ABCD2: variants seen among roughly 807,000 people sequenced by gnomAD.
The protein encoded by ABCD2 is ATP-binding cassette sub-family D member 2.
ABCD2 carries 36 observed loss-of-function variants against 70.9 expected under a neutral mutation model. The observed-to-expected ratio is 0.51, with a 90% confidence interval of 0.39 to 0.67. The LOEUF (loss-of-function observed/expected upper bound fraction) is 0.67, where lower values mean the gene tolerates loss of function less well. Among genes scored for constraint, ABCD2 ranks in the 30% least tolerant of loss-of-function variants. The pLI is 0.00. For missense variants in ABCD2, 729 were observed against 890.2 expected, an observed-to-expected ratio of 0.82 and a Z score of 2.30; for synonymous variants, 304 against 306.9, an observed-to-expected ratio of 0.99 and a Z score of 0.10.
In ABCD2 at chr12:39,604,802, A is replaced by G. The variant is rs1424941916; in HGVS notation, c.1365T>C (p.Ala455=). The G allele has an allele frequency of 7.4e-6, 12 of 1,610,844 alleles. No individual in the cohort carries two copies. Among genetic ancestry groups the G allele is most frequent in the Non-Finnish European group, 1.0e-5 (12 of 1,178,764 alleles). ...QESESHSKNG[A]KVELPLSDTL... ...TGTCACTGAGAGGTAATTCTACCTT[A>G]GCTCCATTCTTGCTATGGCTTTCAG... is the stretch of plus-strand genomic sequence containing the variant. Residue 455 remains alanine (A), a synonymous_variant, in exon 4 of 10, where the codon GCT becomes GCC. Transcript: ENST00000308666.
At chr12:39,567,874 T>A (rs575009640) in intron 9 of ABCD2, among the ~76,000 whole-genome samples, 1 of 152,180 alleles carries the variant, frequency 6.6e-6, no homozygotes, top group Non-Finnish European at 1.5e-5. Context: ...TGATTTCTCC[T>A]TCACTTATGA....
intron 6 of ABCD2, among the ~76,000 whole-genome samples, chr12:39,588,296 C>A (rs1004481227): frequency 6.6e-6 from 1 of 152,108 alleles, no homozygotes; most frequent in South Asian, 2.1e-4. Context: ...TCCAGACCCC[C>A]CCATATCTGT....
chr12:39,536,491 T>G, the ABCD2 span, among the ~76,000 whole-genome samples: 1 of 152,224 alleles, frequency 6.6e-6, no homozygotes, highest in South Asian at 2.1e-4. Context: ...TTCTTATATT[T>G]GGCAAAATTA....
chr12:39,608,359 CT>C (rs1941998941), intron 2 of ABCD2, among the ~76,000 whole-genome samples: 2 of 152,098 alleles, frequency 1.3e-5, no homozygotes, highest in African/African-American at 4.8e-5. Flanking sequence ...ACCCTTTCCA[CT>C]TGGACTCCCT....
intron 2 of ABCD2, among the ~76,000 whole-genome samples, chr12:39,611,888 C>A (rs1942049384): frequency 6.6e-6 from 1 of 151,848 alleles, no homozygotes; most frequent in African/African-American, 2.4e-5. Flanking sequence ...AAAGCTTTTA[C>A]AAATCAGTAA....
At chr12:39,582,746 A>G (rs1033187018) in intron 7 of ABCD2, among the ~76,000 whole-genome samples, 1 of 152,218 alleles carries the variant, frequency 6.6e-6, no homozygotes, top group Admixed American at 6.5e-5. Context: ...TGTTTATTGT[A>G]AGGATCAAAT....
downstream of ABCD2, among the ~76,000 whole-genome samples, chr12:39,545,303 T>G (rs999783450): frequency 1.3e-5 from 2 of 152,196 alleles, no homozygotes; most frequent in Non-Finnish European, 2.9e-5. Context: ...AGGTAAGATT[T>G]TTTTTTGAGA....
chr12:39,539,412 G>T, the ABCD2 span, among the ~76,000 whole-genome samples: 5 of 152,162 alleles, frequency 3.3e-5, no homozygotes, highest in Non-Finnish European at 5.9e-5. Context: ...GTAAAATCTG[G>T]TTATTGTTTT....
chr12:39,555,220 C>A (rs1474049877), intron 9 of ABCD2, among the ~76,000 whole-genome samples: 7 of 152,182 alleles, frequency 4.6e-5, no homozygotes, highest in African/African-American at 1.4e-4. Context: ...CAGCCCCTGA[C>A]AACCACTAAT....
chr12:39,585,278 A>G (rs1825825055), intron 7 of ABCD2, among the ~76,000 whole-genome samples: 2 of 152,034 alleles, frequency 1.3e-5, no homozygotes, highest in African/African-American at 2.4e-5. Flanking sequence ...TTTTGTGGCA[A>G]TTGTGAAGGG....
At chr12:39,617,287 A>G in intron 1 of ABCD2, 119 bp from the exon 2 acceptor site, 1 of 554,250 alleles carries the variant, frequency 1.8e-6, no homozygotes, top group Middle Eastern at 5.2e-4. Context: ...TAATACCAGT[A>G]TTAGTTATTA....
chr12:39,564,974 G>A (rs1313848471), intron 9 of ABCD2, among the ~76,000 whole-genome samples: 2 of 152,186 alleles, frequency 1.3e-5, no homozygotes, highest in Non-Finnish European at 2.9e-5. Flanking sequence ...GCTCTGTTCT[G>A]TTCCATTGGC....
At chr12:39,594,515 T>C (rs1941788737) in intron 6 of ABCD2, among the ~76,000 whole-genome samples, 1 of 152,178 alleles carries the variant, frequency 6.6e-6, no homozygotes, top group Admixed American at 6.5e-5. Flanking sequence ...TTAATGCATA[T>C]AATTTTTTAA....
Position 39,586,158 on chromosome 12 carries a change from C to T in ABCD2, c.1786G>A (p.Glu596Lys), listed in dbSNP as rs1415592931. ...AAAGAATGATAGACTTTACCTCCTTCTCTTTGAACTATGTGATAGAGATGG... is the reference window on the plus strand; with the variant it reads ...AAAGAATGATAGACTTTACCTCCTTTTCTTTGAACTATGTGATAGAGATGG... ...NVHLYHIVQR[E>K]GGWDAVMDWK... Residue 596 changes from glutamate (E) to lysine (K), a missense_variant, in exon 7 of 10, where the codon GAA (glutamate) becomes AAA (lysine). Transcript: ENST00000308666. The T allele has an allele frequency of 8.7e-6, 14 of 1,608,458 alleles. No homozygotes were observed. The highest frequency in any genetic ancestry group is 1.2e-5 in the Non-Finnish European group (14 of 1,177,822).
intron 7 of ABCD2, among the ~76,000 whole-genome samples, 157 bp from the exon 8 acceptor site, chr12:39,579,776 T>A (rs1470806262): frequency 6.6e-6 from 1 of 152,214 alleles, no homozygotes; most frequent in Non-Finnish European, 1.5e-5. Context: ...GAGCCTCATG[T>A]ATAAGCATTT....
chr12:39,532,305 G>C, the ABCD2 span, among the ~76,000 whole-genome samples: 1 of 152,210 alleles, frequency 6.6e-6, no homozygotes, highest in African/African-American at 2.4e-5. Context: ...TGAAATGAAA[G>C]AGAATTGTGC....
At chr12:39,579,640 T>G (rs762237627) in intron 7 of ABCD2, 21 bp from the exon 8 acceptor site, 24 of 1,542,160 alleles carry the variant, frequency 1.6e-5, no homozygotes, top group Non-Finnish European at 2.1e-5. Context: ...TAAAAAAATA[T>G]ACATTTTTAT....
the ABCD2 span, among the ~76,000 whole-genome samples, chr12:39,532,305 G>A: frequency 6.6e-6 from 1 of 152,210 alleles, no homozygotes; most frequent in African/African-American, 2.4e-5. Flanking sequence ...TGAAATGAAA[G>A]AGAATTGTGC....
At chr12:39,604,419 T>G (rs574169053) in intron 4 of ABCD2, among the ~76,000 whole-genome samples, 1 of 152,150 alleles carries the variant, frequency 6.6e-6, no homozygotes, top group South Asian at 2.1e-4. Context: ...TGTAACCAAA[T>G]TTAAGTTTAG....
Sources: allele counts gnomAD v4.1 joint callset (sites outside exome capture counted in the v4.1 genomes callset), GRCh38; gene constraint gnomAD v4.1.1; transcripts MANE v1.5; gene names NCBI Gene and HGNC (gene_info 2026-07-23, HGNC 2026-07-21).